Variants in MACROD2 observed in about 807,000 individuals in gnomAD.
MACROD2 encodes the protein mono-ADP ribosylhydrolase 2, also known as ADP-ribose glycohydrolase MACROD2.
Under a neutral mutation model 70.4 loss-of-function variants are expected in MACROD2, and 36 were observed. The observed-to-expected ratio is 0.51, with a 90% CI of 0.39 to 0.68. The LOEUF (loss-of-function observed/expected upper bound fraction) is 0.68, where lower values mean the gene tolerates loss of function less well. Among genes scored for constraint, MACROD2 ranks in the 30% least tolerant of loss-of-function variants. The pLI is 0.00. For synonymous variants in MACROD2, 172 were observed against 178.8 expected, an observed-to-expected ratio of 0.96 and a Z score of 0.30; for missense variants, 496 against 538.4, an observed-to-expected ratio of 0.92 and a Z score of 0.78.
chr20:15,541,559 C>G (rs969231567), intron 8 of MACROD2, among the ~76,000 whole-genome samples: 3 of 152,104 alleles, frequency 2.0e-5, no homozygotes, highest in Non-Finnish European at 2.9e-5. Context: ...CATCTCCATA[C>G]GCCCCAAAGC....
chr20:15,550,127 T>G (rs1371609796), intron 8 of MACROD2, among the ~76,000 whole-genome samples: 1 of 152,020 alleles, frequency 6.6e-6, no homozygotes, highest in Admixed American at 6.6e-5. Flanking sequence ...GCATCACATT[T>G]ACTTGTCAGA....
Position 14,347,361 on chromosome 20 carries a change from T to C in MACROD2, c.272-146118T>C, listed in dbSNP as rs149744002. Among the ~76,000 whole-genome samples, 425 of 152,246 alleles carry C rather than the reference T, an allele frequency of 2.8e-3. 1 individual carries two copies. The highest frequency in any genetic ancestry group is 9.1e-3 in the African/African-American group (379 of 41,552). ...GGGATGGATAGAGGAATTTGCTGAA[T>C]TATAGAGGCCAATTATGAAAAAGAA... On this transcript the variant is annotated intron_variant, in intron 3 of 17. Transcript: ENST00000684519.
intron 6 of MACROD2, among the ~76,000 whole-genome samples, chr20:15,351,878 T>A (rs536604353): frequency 6.6e-5 from 10 of 152,260 alleles, no homozygotes; most frequent in East Asian, 3.9e-4. Flanking sequence ...TGCCAAAGGT[T>A]TAGAAGGGAC....
intron 5 of MACROD2, among the ~76,000 whole-genome samples, chr20:15,214,550 C>A (rs1423413113): frequency 2.0e-5 from 3 of 152,032 alleles, no homozygotes; most frequent in East Asian, 1.9e-4. Flanking sequence ...TGAAACAAAA[C>A]AAATTATATA....
intron 6 of MACROD2, among the ~76,000 whole-genome samples, chr20:15,310,254 T>C (rs2077737988): frequency 6.6e-6 from 1 of 152,298 alleles, no homozygotes; most frequent in African/African-American, 2.4e-5. Flanking sequence ...CTACTTCCCC[T>C]ACCAGGTAGA....
At chr20:14,349,469 A>G (rs1053038519) in intron 3 of MACROD2, among the ~76,000 whole-genome samples, 2 of 149,736 alleles carry the variant, frequency 1.3e-5, no homozygotes, top group African/African-American at 2.4e-5. Context: ...AATATGAGGT[A>G]TTATTCATTC....
chr20:14,982,617 G>T (rs927742301), intron 5 of MACROD2, among the ~76,000 whole-genome samples: 2 of 152,202 alleles, frequency 1.3e-5, no homozygotes, highest in African/African-American at 4.8e-5. Flanking sequence ...GGCCTCAGAG[G>T]GTGCAAACCT....
chr20:14,487,093 T>C (rs1600293200), intron 3 of MACROD2, among the ~76,000 whole-genome samples: 1 of 152,256 alleles, frequency 6.6e-6, no homozygotes, highest in African/African-American at 2.4e-5. Context: ...AAGATGAACA[T>C]GGCCCCAGAC....
In MACROD2 at chr20:14,100,812, CAT is replaced by C. The variant is rs1282719280; in HGVS notation, c.271+15089_271+15090del. 3.3e-5 allele frequency among the ~76,000 whole-genome samples: 4 copies of C among 122,510 alleles called. No individual in the cohort carries two copies. In the East Asian group the frequency reaches 6.7e-4, roughly 20 times the overall value. 80.4% of individuals were successfully genotyped at this position (122,510 alleles called of 152,430 possible). A position where few individuals can be genotyped will look rare whatever the true frequency, so the allele number is the denominator to read the frequency against. ...TTATATATTATATATGATATATAATCATATATCATATATAACATATATAATAT... is the reference window on the plus strand; with the variant it reads ...TTATATATTATATATGATATATAATCATATCATATATAACATATATAATAT... On this transcript the variant is annotated intron_variant, in intron 3 of 17. Transcript: ENST00000684519.
At chr20:14,894,452 C>T (rs1419072498) in intron 5 of MACROD2, 1 of 151,812 alleles carries the variant, frequency 6.6e-6, no homozygotes, top group Non-Finnish European at 1.5e-5. Context: ...AGGATGGTCT[C>T]GATCTCATGA....
At chr20:14,828,954 T>C (rs2072931699) in intron 5 of MACROD2, among the ~76,000 whole-genome samples, 1 of 142,602 alleles carries the variant, frequency 7.0e-6, no homozygotes, top group Admixed American at 6.9e-5. Flanking sequence ...TATTTTTTCC[T>C]TCTTTTTTTT....
chr20:15,222,713 T>G (rs2076872412), intron 5 of MACROD2, among the ~76,000 whole-genome samples: 1 of 152,242 alleles, frequency 6.6e-6, no homozygotes, highest in African/African-American at 2.4e-5. Flanking sequence ...TTGGTCTGAC[T>G]GTTCATTAAC....
At chr20:15,394,477 C>A (rs2045835344) in intron 6 of MACROD2, among the ~76,000 whole-genome samples, 1 of 152,132 alleles carries the variant, frequency 6.6e-6, no homozygotes, top group East Asian at 1.9e-4. Flanking sequence ...CAAAAGGGCA[C>A]AATGTTTTAC....
intron 8 of MACROD2, among the ~76,000 whole-genome samples, chr20:15,594,955 G>A (rs1200235810): frequency 3.3e-5 from 5 of 152,068 alleles, no homozygotes; most frequent in Non-Finnish European, 7.4e-5. Context: ...GGTCACCTCT[G>A]TTGATTTCTT....
intron 6 of MACROD2, among the ~76,000 whole-genome samples, chr20:15,340,536 G>A (rs531207632): frequency 6.6e-6 from 1 of 152,224 alleles, no homozygotes; most frequent in Non-Finnish European, 1.5e-5. Context: ...CCTGGATCCA[G>A]AGCCCTGCAA....
intron 6 of MACROD2, among the ~76,000 whole-genome samples, chr20:15,343,875 C>T (rs1400280411): frequency 1.3e-5 from 2 of 152,112 alleles, no homozygotes; most frequent in African/African-American, 4.8e-5. Context: ...CTGTGGTCTA[C>T]TTGGTTTGAT....
intron 3 of MACROD2, among the ~76,000 whole-genome samples, chr20:14,343,267 T>C (rs2083033288): frequency 6.6e-6 from 1 of 151,910 alleles, no homozygotes; most frequent in Non-Finnish European, 1.5e-5. Context: ...AAAATGATCC[T>C]TGAAAAAAAT....
chr20:15,327,313 G>C (rs2077941210), intron 6 of MACROD2, among the ~76,000 whole-genome samples: 1 of 152,200 alleles, frequency 6.6e-6, no homozygotes, highest in African/African-American at 2.4e-5. Context: ...TGATGGTCAC[G>C]TGACTTCACA....
At chr20:14,197,096 G>A (rs1022418242) in intron 3 of MACROD2, among the ~76,000 whole-genome samples, 25 of 152,368 alleles carry the variant, frequency 1.6e-4, no homozygotes, top group African/African-American at 6.0e-4. Context: ...ATATTTATGG[G>A]AGAAGACAAG....
Sources: allele counts gnomAD v4.1 joint callset (sites outside exome capture counted in the v4.1 genomes callset), GRCh38; gene constraint gnomAD v4.1.1; transcripts MANE v1.5; gene names NCBI Gene and HGNC (gene_info 2026-07-23, HGNC 2026-07-21).